RBFOX1: variants seen among roughly 807,000 people sequenced by gnomAD.
The protein encoded by RBFOX1 is RNA binding fox-1 homolog 1, also known as RNA binding protein fox-1 homolog 1.
In RBFOX1, 8 loss-of-function variants were observed where a neutral mutation model predicts 57.7. The ratio of observed to expected loss-of-function variants is 0.14; its 90% CI spans 0.08 to 0.25. RBFOX1 has a LOEUF of 0.25. Among genes scored for constraint, RBFOX1 ranks in the 10% least tolerant of loss-of-function variants. The pLI, the probability that RBFOX1 is intolerant of heterozygous loss-of-function variation, is 1.00. For synonymous variants in RBFOX1, 326 were observed against 222.4 expected (o/e 1.47, Z -4.15); for missense variants, 611 against 548.5 (o/e 1.11, Z -1.14).
intron 1 of RBFOX1, among the ~76,000 whole-genome samples, chr16:5,344,909 CTCTA>C (rs1183171817): frequency 3.9e-5 from 6 of 152,152 alleles, no homozygotes; most frequent in African/African-American, 9.7e-5. Flanking sequence ...ATGTTTTTGC[CTCTA>C]TCTATGTACA....
At chr16:6,952,077 C>T (rs763735033) in intron 3 of RBFOX1, among the ~76,000 whole-genome samples, 21 of 152,120 alleles carry the variant, frequency 1.4e-4, no homozygotes, top group Non-Finnish European at 2.4e-4. Flanking sequence ...GATACATGTA[C>T]CTTTATCTTT....
intron 2 of RBFOX1, among the ~76,000 whole-genome samples, chr16:5,467,863 T>C (rs2069001511): frequency 6.6e-6 from 1 of 152,234 alleles, no homozygotes. Context: ...GGAAAATTAA[T>C]ACAAATGTAA....
At chr16:7,535,358 C>T (rs2081232704) in intron 5 of RBFOX1, among the ~76,000 whole-genome samples, 1 of 152,190 alleles carries the variant, frequency 6.6e-6, no homozygotes, top group Non-Finnish European at 1.5e-5. Flanking sequence ...AATTGGTCCA[C>T]ACCATTTTTA....
At chr16:6,729,055 T>A (rs1346573073) in intron 3 of RBFOX1, among the ~76,000 whole-genome samples, 1 of 152,184 alleles carries the variant, frequency 6.6e-6, no homozygotes, top group Non-Finnish European at 1.5e-5. Flanking sequence ...TGATCCTGTT[T>A]CTCACATATT....
intron 3 of RBFOX1, among the ~76,000 whole-genome samples, chr16:5,763,985 A>C (rs2053681632): frequency 6.6e-6 from 1 of 152,134 alleles, no homozygotes; most frequent in Admixed American, 6.5e-5. Flanking sequence ...GCTAGAACAC[A>C]TGCACCTCAA....
chr16:5,663,959 G>A (rs938337274), intron 3 of RBFOX1, among the ~76,000 whole-genome samples: 2 of 152,110 alleles, frequency 1.3e-5, no homozygotes, highest in African/African-American at 4.8e-5. Context: ...GCCAGCACTC[G>A]AGATATTCCG....
intron 4 of RBFOX1, among the ~76,000 whole-genome samples, chr16:5,870,034 C>G (rs189605813): frequency 6.6e-6 from 1 of 151,676 alleles, no homozygotes; most frequent in Non-Finnish European, 1.5e-5. Flanking sequence ...CTGTATGACT[C>G]TTAGTAATAT....
chr16:7,440,885 C>G (rs915083518), intron 4 of RBFOX1, among the ~76,000 whole-genome samples: 4 of 152,092 alleles, frequency 2.6e-5, no homozygotes, highest in Non-Finnish European at 5.9e-5. Context: ...TATAGTACAG[C>G]TCAATTAGCC....
intron 4 of RBFOX1, among the ~76,000 whole-genome samples, chr16:7,356,617 T>C (rs2097218786): frequency 6.6e-6 from 1 of 152,132 alleles, no homozygotes; most frequent in Non-Finnish European, 1.5e-5. Flanking sequence ...CACTGGAAAG[T>C]TTTAAGCAGG....
At chr16:7,285,409 C>T (rs2095630704) in intron 4 of RBFOX1, among the ~76,000 whole-genome samples, 2 of 150,598 alleles carry the variant, frequency 1.3e-5, no homozygotes, top group Admixed American at 1.3e-4. Flanking sequence ...TGTGTGTTTG[C>T]AGTGGTGGTA....
chr16:7,144,410 C>G (rs58794988), intron 4 of RBFOX1, among the ~76,000 whole-genome samples: 2 of 55,812 alleles, frequency 3.6e-5, no homozygotes, highest in Admixed American at 2.3e-4. Context: ...CTTTCTTTTT[C>G]TTTCTTCTTT....
intron 1 of RBFOX1, among the ~76,000 whole-genome samples, chr16:5,393,091 T>C (rs1352204005): frequency 6.6e-6 from 1 of 152,096 alleles, no homozygotes; most frequent in Non-Finnish European, 1.5e-5. Flanking sequence ...GGTGGGGCTG[T>C]GGCTCAGGGC....
chr16:6,107,035 G>T (rs1251171787), intron 1 of RBFOX1, among the ~76,000 whole-genome samples: 1 of 152,180 alleles, frequency 6.6e-6, no homozygotes, highest in Non-Finnish European at 1.5e-5. Flanking sequence ...ACATTCGAGT[G>T]AACCAAACAT....
intron 2 of RBFOX1, among the ~76,000 whole-genome samples, chr16:6,522,087 A>G (rs866888047): frequency 7.3e-5 from 11 of 151,688 alleles, no homozygotes; most frequent in Non-Finnish European, 1.3e-4. Context: ...AAAAACTGGC[A>G]TGTGTTTTCT....
chr16:6,088,717 A>G (rs1283059343), intron 1 of RBFOX1, among the ~76,000 whole-genome samples: 2 of 152,148 alleles, frequency 1.3e-5, no homozygotes, highest in East Asian at 1.9e-4. Context: ...ACCCCCTGCA[A>G]TGACTTGCAG....
chr16:6,523,621 C>G (rs1484046758), intron 2 of RBFOX1, among the ~76,000 whole-genome samples: 1 of 152,126 alleles, frequency 6.6e-6, no homozygotes, highest in African/African-American at 2.4e-5. Context: ...TTTTCACATT[C>G]TCAAGATTTT....
chr16:6,772,903 G>T (rs1257762551), intron 3 of RBFOX1, among the ~76,000 whole-genome samples: 1 of 147,564 alleles, frequency 6.8e-6, no homozygotes, highest in African/African-American at 2.5e-5. Flanking sequence ...TTGTGTGTGT[G>T]TGTAAGTGTG....
At chr16:6,211,820 T>TTTTATTTATTTA (rs200566514) in intron 1 of RBFOX1, among the ~76,000 whole-genome samples, 185 of 140,874 alleles carry the variant, frequency 1.3e-3, no homozygotes, top group African/African-American at 3.3e-3. Flanking sequence ...GGAATACATC[T>TTTTATTTATTTA]TTTATTTATT....
At chr16:7,078,587 A>C (rs2058662885) in intron 4 of RBFOX1, among the ~76,000 whole-genome samples, 1 of 151,772 alleles carries the variant, frequency 6.6e-6, no homozygotes, top group South Asian at 2.1e-4. Context: ...GCCTCAAGTG[A>C]TCCACCCACT....
Sources: gnomAD v4.1 joint callset for allele counts (sites outside exome capture counted in the v4.1 genomes callset) on GRCh38, gnomAD v4.1.1 for gene constraint, MANE v1.5 for transcripts, NCBI Gene and HGNC (gene_info 2026-07-23, HGNC 2026-07-21) for gene names.